Variants in ZBTB7C observed in about 807,000 individuals in gnomAD.
ZBTB7C encodes zinc finger and BTB domain containing 7C.
A neutral mutation model predicts 25.7 loss-of-function variants in ZBTB7C; 8 were observed. That is an observed-to-expected ratio of 0.31 (90% CI 0.18 to 0.56). ZBTB7C has a LOEUF of 0.56. Among genes scored for constraint, ZBTB7C ranks in the 20% least tolerant of loss-of-function variants. The pLI, the probability that ZBTB7C is intolerant of heterozygous loss-of-function variation, is 0.91. For synonymous variants in ZBTB7C, 394 were observed against 369.0 expected, an observed-to-expected ratio of 1.07 and a Z score of -0.78; for missense variants, 824 against 855.2, an observed-to-expected ratio of 0.96 and a Z score of 0.46.
intron 2 of ZBTB7C, among the ~76,000 whole-genome samples, chr18:48,307,239 C>A (rs2045697566): frequency 6.6e-6 from 1 of 152,230 alleles, no homozygotes; most frequent in Non-Finnish European, 1.5e-5. Context: ...TGTCCCCTTC[C>A]AGGCTCCGTG....
At chr18:48,176,214 T>C (rs768441345) in intron 3 of ZBTB7C, among the ~76,000 whole-genome samples, 2 of 152,222 alleles carry the variant, frequency 1.3e-5, no homozygotes, top group Non-Finnish European at 2.9e-5. Context: ...CAAGAATACA[T>C]AACCTGGATT....
chr18:48,314,140 C>G (rs551291660), intron 2 of ZBTB7C, among the ~76,000 whole-genome samples: 1 of 152,180 alleles, frequency 6.6e-6, no homozygotes, highest in African/African-American at 2.4e-5. Context: ...AACGCAAGAA[C>G]GAACTAACAC....
chr18:48,306,696 A>G (rs574658491), intron 2 of ZBTB7C, among the ~76,000 whole-genome samples: 2 of 152,276 alleles, frequency 1.3e-5, no homozygotes, highest in South Asian at 4.1e-4. Flanking sequence ...ACAAGTGAAT[A>G]TGTAGCTGAG....
At chr18:48,061,249 G>A (rs769903291) in intron 3 of ZBTB7C, among the ~76,000 whole-genome samples, 1 of 152,190 alleles carries the variant, frequency 6.6e-6, no homozygotes, top group Admixed American at 6.5e-5. Flanking sequence ...ACAGACAAGA[G>A]TAGGATAAAA....
intron 1 of ZBTB7C, chr18:48,408,592 G>A (rs2048335489): frequency 6.6e-6 from 1 of 152,256 alleles, no homozygotes. Context: ...TCATCGAGAG[G>A]TGCTGGATCC....
intron 2 of ZBTB7C, among the ~76,000 whole-genome samples, chr18:48,303,696 A>C (rs966780785): frequency 6.6e-6 from 1 of 152,178 alleles, no homozygotes; most frequent in African/African-American, 2.4e-5. Flanking sequence ...TAAGCTCCAC[A>C]ACTCAGATGG....
intron 3 of ZBTB7C, among the ~76,000 whole-genome samples, chr18:48,074,142 T>C (rs1042651704): frequency 6.6e-6 from 1 of 151,802 alleles, no homozygotes; most frequent in Non-Finnish European, 1.5e-5. Flanking sequence ...GCCTCCTGAG[T>C]AGCTGGGATT....
chr18:48,330,278 G>A (rs2046314341), intron 2 of ZBTB7C, among the ~76,000 whole-genome samples: 1 of 152,192 alleles, frequency 6.6e-6, no homozygotes, highest in Non-Finnish European at 1.5e-5. Flanking sequence ...CTCCACCACA[G>A]TGCCATCCTT....
At chr18:48,264,381 C>T (rs1308707523) in intron 2 of ZBTB7C, among the ~76,000 whole-genome samples, 1 of 147,022 alleles carries the variant, frequency 6.8e-6, no homozygotes, top group East Asian at 2.0e-4. Context: ...ATGTCACTCC[C>T]CACAGCTGGC....
intron 3 of ZBTB7C, among the ~76,000 whole-genome samples, chr18:48,061,724 G>A (rs993999928): frequency 6.6e-6 from 1 of 152,188 alleles, no homozygotes; most frequent in Non-Finnish European, 1.5e-5. Flanking sequence ...CAAAAGCATG[G>A]AGCCCACTGG....
intron 3 of ZBTB7C, among the ~76,000 whole-genome samples, chr18:48,160,361 C>G (rs1302003016): frequency 6.6e-6 from 1 of 152,220 alleles, no homozygotes; most frequent in African/African-American, 2.4e-5. Context: ...TGCTAGGTCC[C>G]TAACATGGAG....
intron 3 of ZBTB7C, among the ~76,000 whole-genome samples, chr18:48,058,378 C>A (rs2036998000): frequency 6.6e-6 from 1 of 152,124 alleles, no homozygotes; most frequent in Non-Finnish European, 1.5e-5. Flanking sequence ...TTTTGTGGTC[C>A]CCCACAGTCT....
At chr18:48,277,716 C>T (rs966624004) in intron 2 of ZBTB7C, among the ~76,000 whole-genome samples, 52 of 152,146 alleles carry the variant, frequency 3.4e-4, no homozygotes, top group Non-Finnish European at 6.0e-4. Flanking sequence ...GCTGGAGGCT[C>T]CCACAACAGA....
Position 48,026,956 on chromosome 18 carries a change from CG to C in ZBTB7C, c.*2303del, listed in dbSNP as rs2035544151. On this transcript the variant is annotated 3_prime_UTR_variant, in exon 5 of 5. Coordinates refer to ENST00000590800, the MANE Select transcript of ZBTB7C (RefSeq NM_001318841.2). ...GAGAGTTTTTCTCGGCGGGATGTGGCGTGCGACCGAAGTTATGGAAGATTGT... is the reference window on the plus strand; with the variant it reads ...GAGAGTTTTTCTCGGCGGGATGTGGCTGCGACCGAAGTTATGGAAGATTGT... The C allele has an allele frequency of 6.6e-6, 1 of 151,530 alleles. No individual in the cohort carries two copies. Among genetic ancestry groups the C allele is most frequent in the South Asian group, 2.1e-4 (1 of 4,760 alleles). 9.4% of individuals were successfully genotyped at this position (151,530 alleles called of 1,614,324 possible).
intron 2 of ZBTB7C, among the ~76,000 whole-genome samples, chr18:48,330,533 T>C (rs184335585): frequency 2.6e-5 from 4 of 152,154 alleles, no homozygotes; most frequent in East Asian, 3.9e-4. Context: ...CCATTAGAGT[T>C]TGTCATCTCT....
chr18:48,035,594 T>C (rs2035937912), intron 4 of ZBTB7C, among the ~76,000 whole-genome samples: 2 of 152,218 alleles, frequency 1.3e-5, no homozygotes, highest in South Asian at 4.1e-4. Context: ...TTGGCAGTGA[T>C]GGCTGCAGAT....
In ZBTB7C at chr18:48,409,208, G is replaced by C. The variant is rs927699674; in HGVS notation, c.-304+18C>G. The C allele has an allele frequency of 1.3e-5, 2 of 149,844 alleles. No individual in the cohort carries two copies. The highest frequency in any genetic ancestry group is 3.0e-5 in the Non-Finnish European group (2 of 67,180). 9.3% of individuals were successfully genotyped at this position (149,844 alleles called of 1,614,324 possible). The stretch of plus-strand genomic sequence containing the variant: ...CCCCGGCAGCCGGCGCCCGAGCCCG[G>C]CGCGCGAAGCCGCTCACCTCCGCGC... On this transcript the variant is annotated intron_variant, in intron 1 of 4. Transcript: ENST00000590800.
chr18:48,409,509 C>T (rs1463761741), upstream of ZBTB7C: 2 of 147,750 alleles, frequency 1.4e-5, no homozygotes, highest in Non-Finnish European at 3.0e-5. Context: ...CGCGCCCGCG[C>T]CGCCGGCTCG....
intron 1 of ZBTB7C, among the ~76,000 whole-genome samples, chr18:48,407,724 C>CTATA (rs2048312452): frequency 6.6e-6 from 1 of 152,176 alleles, no homozygotes; most frequent in Admixed American, 6.5e-5. Context: ...CTATGACCTT[C>CTATA]TATAAAGCAA....
Sources: gnomAD v4.1 joint callset for allele counts (sites outside exome capture counted in the v4.1 genomes callset) on GRCh38, gnomAD v4.1.1 for gene constraint, MANE v1.5 for transcripts, NCBI Gene and HGNC (gene_info 2026-07-23, HGNC 2026-07-21) for gene names.